Variants in LNX2 observed in about 807,000 individuals in gnomAD.
LNX2 encodes the protein ligand of Numb protein X 2.
LNX2 carries 35 observed loss-of-function variants against 66.2 expected under a neutral mutation model. The ratio of observed to expected loss-of-function variants is 0.53; its 90% CI spans 0.40 to 0.70. The LOEUF (loss-of-function observed/expected upper bound fraction) is 0.70, where lower values mean the gene tolerates loss of function less well. Among genes scored for constraint, LNX2 ranks in the 30% least tolerant of loss-of-function variants. The pLI, the probability that LNX2 is intolerant of heterozygous loss-of-function variation, is 0.00. For synonymous variants in LNX2, 337 were observed against 315.6 expected (o/e 1.07, Z -0.72); for missense variants, 791 against 850.8 (o/e 0.93, Z 0.87).
At position 27,599,475 on chromosome 13, in the gene LNX2, C is replaced by T. The variant is rs113588122; in HGVS notation, c.-100-17672G>A. On this transcript the variant is annotated intron_variant, in intron 1 of 9. Transcript: ENST00000316334. ...TTTGAACAATTTGGGATATAACTTC[C>T]TCTATCCTTATCTACTAGCATCCTC... Among the ~76,000 whole-genome samples, 876 of 152,278 alleles carry T rather than the reference C, an allele frequency of 5.8e-3. 5 individuals carry two copies. Among genetic ancestry groups the T allele is most frequent in the African/African-American group, 0.02 (833 of 41,552 alleles).
At chr13:27,562,363 T>G in intron 5 of LNX2, 50 bp downstream of exon 5, 1 of 1,557,086 alleles carries the variant, frequency 6.4e-7, no homozygotes, top group Non-Finnish European at 8.7e-7. Flanking sequence ...CAAATACTAC[T>G]ATATGATCAT....
intron 2 of LNX2, among the ~76,000 whole-genome samples, chr13:27,575,398 T>C (rs546425329): frequency 3.3e-5 from 5 of 152,202 alleles, no homozygotes; most frequent in Non-Finnish European, 7.3e-5. Flanking sequence ...AGGCTGTTTC[T>C]AGCATGTGAA....
rs780089320 is a variant in LNX2, at chr13:27,553,359, C to T, written c.1627G>A (p.Ala543Thr). 1.4e-5 allele frequency: 22 copies of T among 1,614,070 alleles called. No individual in the cohort carries two copies. The Middle Eastern group carries it at 6.6e-4, about 48-fold the overall frequency. Residue 543 changes from alanine (A) to threonine (T), a missense_variant, in exon 8 of 10, where the codon GCC becomes ACC. Transcript: ENST00000316334. Reference protein sequence around the residue: ...SEAVAMLKASAASPAVALKAL... With the variant: ...SEAVAMLKASTASPAVALKAL... ...TTAAGGGCAACAGCAGGGGACGCGG[C>T]ACTGGCTTTCAGCATTGCAACTGCC...
intron 5 of LNX2, 130 bp from the exon 6 acceptor site, chr13:27,560,115 G>T: frequency 1.6e-6 from 1 of 624,576 alleles, no homozygotes. Context: ...GTGACTGCAA[G>T]CACCTGGTGG....
intron 1 of LNX2, among the ~76,000 whole-genome samples, chr13:27,614,948 T>C (rs1955810997): frequency 6.6e-6 from 1 of 151,996 alleles, no homozygotes; most frequent in Non-Finnish European, 1.5e-5. Context: ...TTTTTTTCTA[T>C]TCTCTTATTC....
At chr13:27,617,622 G>A (rs1234933728) in intron 1 of LNX2, among the ~76,000 whole-genome samples, 3 of 152,048 alleles carry the variant, frequency 2.0e-5, no homozygotes, top group South Asian at 2.1e-4. Context: ...TTCTGATATC[G>A]CTCCACTGTG....
At chr13:27,553,016 T>C (rs1955022656) in intron 8 of LNX2, among the ~76,000 whole-genome samples, 192 bp downstream of exon 8, 1 of 152,252 alleles carries the variant, frequency 6.6e-6, no homozygotes, top group Non-Finnish European at 1.5e-5. Flanking sequence ...AACTGCTTTC[T>C]TTGTGTACCT....
intron 4 of LNX2, among the ~76,000 whole-genome samples, 153 bp from the exon 5 acceptor site, chr13:27,562,934 C>G (rs986890518): frequency 2.6e-5 from 4 of 152,160 alleles, no homozygotes; most frequent in African/African-American, 9.7e-5. Context: ...AAGAAAACCA[C>G]ATTAAAGACA....
intron 3 of LNX2, among the ~76,000 whole-genome samples, chr13:27,568,136 T>C (rs1955228805): frequency 6.6e-6 from 1 of 152,140 alleles, no homozygotes; most frequent in Non-Finnish European, 1.5e-5. Flanking sequence ...TCCTCATTGA[T>C]GAGAGAAAAT....
chr13:27,619,160 T>C (rs1955861904), intron 1 of LNX2, among the ~76,000 whole-genome samples: 1 of 152,170 alleles, frequency 6.6e-6, no homozygotes, highest in Non-Finnish European at 1.5e-5. Context: ...TTATTCTACT[T>C]TGGTTCTCAT....
At chr13:27,594,802 T>A (rs1955579641) in intron 1 of LNX2, among the ~76,000 whole-genome samples, 1 of 152,130 alleles carries the variant, frequency 6.6e-6, no homozygotes, top group African/African-American at 2.4e-5. Flanking sequence ...AGGCACCAAG[T>A]TCCCCTCGAT....
chr13:27,561,335 A>G (rs1955133195), intron 5 of LNX2, among the ~76,000 whole-genome samples: 1 of 152,108 alleles, frequency 6.6e-6, no homozygotes, highest in Non-Finnish European at 1.5e-5. Context: ...ACTCAAACAG[A>G]TGCTATAACT....
intron 1 of LNX2, among the ~76,000 whole-genome samples, chr13:27,620,147 G>A (rs962270201): frequency 6.9e-6 from 1 of 144,448 alleles, no homozygotes; most frequent in Admixed American, 7.0e-5. Flanking sequence ...ACCGGGCGCC[G>A]ACTCTCCCTC....
intron 1 of LNX2, among the ~76,000 whole-genome samples, chr13:27,584,551 T>C (rs1325747877): frequency 6.6e-6 from 1 of 151,832 alleles, no homozygotes; most frequent in Non-Finnish European, 1.5e-5. Context: ...CCAGGCGCAA[T>C]GGTGCATGGC....
intron 2 of LNX2, among the ~76,000 whole-genome samples, chr13:27,574,403 ACT>A (rs2138375451): frequency 6.6e-6 from 1 of 151,702 alleles, no homozygotes; most frequent in African/African-American, 2.4e-5. Context: ...CAAGAGCAAA[ACT>A]CTGTCTCCAA....
In LNX2 at chr13:27,548,159, G is replaced by A. The variant is rs1593235079; in HGVS notation, c.*176C>T. The stretch of plus-strand genomic sequence containing the variant: ...AGACTGTTTCCAAGCTAAAAGAAAT[G>A]TAACTAACTTAGGAAACCATTTAAA... On this transcript the variant is annotated 3_prime_UTR_variant, in exon 10 of 10. Coordinates refer to ENST00000316334, the MANE Select transcript of LNX2 (RefSeq NM_153371.4). 14 of 572,290 alleles carry A rather than the reference G, an allele frequency of 2.4e-5. No individual in the cohort carries two copies. In the East Asian group the frequency reaches 4.0e-4, roughly 17 times the overall value. The allele number at this position is 572,290 out of a possible 1,614,324, so 35.5% of individuals were successfully genotyped here.
At chr13:27,595,894 T>C (rs1302135472) in intron 1 of LNX2, among the ~76,000 whole-genome samples, 1 of 152,208 alleles carries the variant, frequency 6.6e-6, no homozygotes, top group Admixed American at 6.5e-5. Flanking sequence ...CTTAGAGCTG[T>C]TGCTGCTAAT....
At position 27,547,631 on chromosome 13, in the gene LNX2, C is replaced by G. The variant is rs971847673; in HGVS notation, c.*704G>C. 7 of 152,152 alleles carry G rather than the reference C, an allele frequency of 4.6e-5. No homozygotes were observed. Among genetic ancestry groups the G allele is most frequent in the African/African-American group, 9.7e-5 (4 of 41,404 alleles). The allele number at this position is 152,152 out of a possible 1,614,324, so 9.4% of individuals were successfully genotyped here. ...CAGCACTTTGGGAGGCTGAGGCGGG[C>G]AGATCACAAGGTCAGGAGATCGAGA... On this transcript the variant is annotated 3_prime_UTR_variant, in exon 10 of 10. Coordinates refer to ENST00000316334, the MANE Select transcript of LNX2 (RefSeq NM_153371.4).
chr13:27,562,398 G>T lies in LNX2; in HGVS notation c.1224+15C>A, dbSNP rs760493224. ...TTTCGGCCAAGCCTTTGGAATGAAG[G>T]CCAAGAGGGTTTACCTGAATAATCT... On this transcript the variant is annotated intron_variant, in intron 5 of 9. Transcript: ENST00000316334. 1 of 1,603,588 alleles carries T rather than the reference G, an allele frequency of 6.2e-7. No homozygotes were observed. The highest frequency in any genetic ancestry group is 8.5e-7 in the Non-Finnish European group (1 of 1,175,108).
Sources: gnomAD v4.1 joint callset for allele counts (sites outside exome capture counted in the v4.1 genomes callset) on GRCh38, gnomAD v4.1.1 for gene constraint, MANE v1.5 for transcripts, NCBI Gene and HGNC (gene_info 2026-07-23, HGNC 2026-07-21) for gene names.